MYOZ3: variants seen among roughly 807,000 people sequenced by gnomAD.
MYOZ3 encodes myozenin-3.
Under a neutral mutation model 26.5 loss-of-function variants are expected in MYOZ3, and 19 were observed. That is an observed-to-expected ratio of 0.72 (90% CI 0.50 to 1.05). The LOEUF (loss-of-function observed/expected upper bound fraction) is 1.05, where lower values mean the gene tolerates loss of function less well. Ranked by LOEUF, MYOZ3 falls within the 50% of genes least tolerant of loss-of-function variation. The probability of loss-of-function intolerance (pLI) is 0.00; values close to 1 mark genes in which losing one functional copy is unlikely to be tolerated. For synonymous variants in MYOZ3, 135 were observed against 138.8 expected, an observed-to-expected ratio of 0.97 and a Z score of 0.19; for missense variants, 322 against 337.1, an observed-to-expected ratio of 0.96 and a Z score of 0.35.
intron 6 of MYOZ3, among the ~76,000 whole-genome samples, chr5:150,675,579 G>T (rs555675695): frequency 6.6e-6 from 1 of 152,224 alleles, no homozygotes; most frequent in South Asian, 2.1e-4. Flanking sequence ...CACCATGTGG[G>T]CCAGGCTGGT....
chr5:150,677,977 G>GC lies in MYOZ3; in HGVS notation c.*1103dup, dbSNP rs1278576837. ...AGCATGTGCAAAAATATGGAACTGA[G>GC]CACGGGTGCAGGGTGTTCTGCAGAA... On this transcript the variant is annotated 3_prime_UTR_variant, in exon 7 of 7. Coordinates refer to ENST00000517768, the MANE Select transcript of MYOZ3 (RefSeq NM_001122853.3). The GC allele has an allele frequency of 6.6e-6, 1 of 152,386 alleles. No homozygotes were observed. Among genetic ancestry groups the GC allele is most frequent in the African/African-American group, 2.4e-5 (1 of 41,414 alleles). 9.4% of individuals were successfully genotyped at this position (152,386 alleles called of 1,614,324 possible). A position where few individuals can be genotyped will look rare whatever the true frequency, so the allele number is the denominator to read the frequency against.
At chr5:150,665,227 G>C (rs1758790111) in intron 2 of MYOZ3, among the ~76,000 whole-genome samples, 1 of 152,188 alleles carries the variant, frequency 6.6e-6, no homozygotes. Flanking sequence ...GGAAGGGAAG[G>C]AGGAATGCAG....
chr5:150,670,608 C>A lies in MYOZ3; in HGVS notation c.186C>A (p.Phe62Leu), dbSNP rs745317957. ...AGAGGCAGCGCCGTGTGCAGAAGTT[C>A]ACTTTCGAGTTAGCAGCCAGCCAGC... Reference protein sequence around the residue: ...FQKRQRRVQKFTFELAASQRA... With the variant: ...FQKRQRRVQKLTFELAASQRA... The change falls in exon 3 of 7, where the codon TTC (phenylalanine) becomes TTA (leucine). Residue 62 changes from phenylalanine to leucine, a missense_variant. By Grantham distance (22) the Phe-to-Leu change is conservative. Coordinates refer to ENST00000517768, the MANE Select transcript of MYOZ3 (RefSeq NM_001122853.3). 6.2e-7 allele frequency: 1 copy of A among 1,611,682 alleles called. No individual in the cohort carries two copies. The highest frequency in any genetic ancestry group is 1.1e-5 in the South Asian group (1 of 90,902).
At chr5:150,665,033 A>G (rs544638363) in intron 2 of MYOZ3, among the ~76,000 whole-genome samples, 208 of 136,572 alleles carry the variant, frequency 1.5e-3, no homozygotes, top group Non-Finnish European at 1.0e-3. Context: ...TTTTTTTTTC[A>G]TTTAGCAGCA....
chr5:150,671,868 C>A lies in MYOZ3; in HGVS notation c.384C>A (p.Ala128=), dbSNP rs111772094. Residue 128 remains alanine (A), a synonymous_variant, in exon 5 of 7, where the codon GCC becomes GCA. Transcript: ENST00000517768. The part of the protein sequence containing the change: ...GGPEGAHPAA[A]PAGCVPSPSA... ...CCGAGGGCGCCCACCCTGCAGCCGC[C>A]CCTGCTGGGTGCGTCCCCAGCCCCA... 4.8e-3 allele frequency: 7,701 copies of A among 1,593,088 alleles called. 198 individuals carry two copies. The highest frequency in any genetic ancestry group is 0.048 in the South Asian group (4,275 of 89,234).
intron 5 of MYOZ3, 50 bp from the exon 6 acceptor site, chr5:150,672,290 G>C (rs750799131): frequency 1.3e-6 from 2 of 1,552,740 alleles, no homozygotes; most frequent in Non-Finnish European, 1.7e-6. Context: ...GGTGGGGTTG[G>C]GGGCTGAGGG....
chr5:150,665,594 C>CT (rs1439589820), intron 2 of MYOZ3, among the ~76,000 whole-genome samples: 2 of 152,066 alleles, frequency 1.3e-5, no homozygotes, highest in African/African-American at 2.4e-5. Context: ...TAGATTTTAT[C>CT]TTTTTTTATT....
Position 150,670,638 on chromosome 5 carries a change from GGT to G in MYOZ3, c.216+2_216+3del. On this transcript the variant is annotated splice_donor_variant, in intron 3 of 6. Coordinates refer to ENST00000517768, the MANE Select transcript of MYOZ3 (RefSeq NM_001122853.3). LOFTEE classifies it high-confidence loss of function. ...TCGAGTTAGCAGCCAGCCAGCGGGC[GGT>G]GAGTAAGCCACCATTGTGCTCATGG... is the stretch of plus-strand genomic sequence containing the variant. 6.2e-7 allele frequency: 1 copy of G among 1,606,844 alleles called. No individual in the cohort carries two copies. The highest frequency in any genetic ancestry group is 8.5e-7 in the Non-Finnish European group (1 of 1,174,904).
At chr5:150,668,927 T>C (rs1351067131) in intron 2 of MYOZ3, among the ~76,000 whole-genome samples, 1 of 152,160 alleles carries the variant, frequency 6.6e-6, no homozygotes, top group Non-Finnish European at 1.5e-5. Flanking sequence ...CAGTAAAAGC[T>C]CATGATGCCC....
intron 2 of MYOZ3, among the ~76,000 whole-genome samples, chr5:150,667,644 A>ACAAACAAT (rs1758830090): frequency 6.6e-6 from 1 of 152,060 alleles, no homozygotes; most frequent in Admixed American, 6.6e-5. Context: ...AAACAAACAA[A>ACAAACAAT]CAAACCCCTC....
rs1424004239 is a variant in MYOZ3 at position 150,670,603 on chromosome 5, A to T, written c.181A>T (p.Lys61Ter). ...CCAGAAGAGGCAGCGCCGTGTGCAGAAGTTCACTTTCGAGTTAGCAGCCAG... is the reference window on the plus strand; with the variant it reads ...CCAGAAGAGGCAGCGCCGTGTGCAGTAGTTCACTTTCGAGTTAGCAGCCAG... ...LFQKRQRRVQ[K>*]FTFELAASQR... Residue 61 changes from lysine to a stop codon, truncating the protein, a stop_gained, in exon 3 of 7, where the codon AAG becomes TAG. Coordinates refer to ENST00000517768, the MANE Select transcript of MYOZ3 (RefSeq NM_001122853.3). LOFTEE classifies it high-confidence loss of function. The T allele has an allele frequency of 1.9e-6, 3 of 1,612,354 alleles. No homozygotes were observed. The highest frequency in any genetic ancestry group is 2.5e-6 in the Non-Finnish European group (3 of 1,178,804).
At chr5:150,674,854 A>G (rs1286899068) in intron 6 of MYOZ3, among the ~76,000 whole-genome samples, 1 of 152,164 alleles carries the variant, frequency 6.6e-6, no homozygotes, top group African/African-American at 2.4e-5. Flanking sequence ...TACTAAAAAT[A>G]CAAAAATTAG....
At chr5:150,668,092 T>A (rs1758836169) in intron 2 of MYOZ3, among the ~76,000 whole-genome samples, 1 of 152,196 alleles carries the variant, frequency 6.6e-6, no homozygotes, top group Non-Finnish European at 1.5e-5. Context: ...GCAACCCCTC[T>A]GCCCCTTTTT....
chr5:150,676,543 C>CAAA (rs749959393), intron 6 of MYOZ3, among the ~76,000 whole-genome samples, 164 bp from the exon 7 acceptor site: 1 of 57,950 alleles, frequency 1.7e-5, no homozygotes, highest in African/African-American at 5.4e-5. Flanking sequence ...GACTCTGTCT[C>CAAA]AAAAAAAAAA....
intron 2 of MYOZ3, among the ~76,000 whole-genome samples, chr5:150,665,558 C>A (rs1217541775): frequency 6.6e-6 from 1 of 152,116 alleles, no homozygotes; most frequent in Non-Finnish European, 1.5e-5. Context: ...AGAATAAATT[C>A]CTAGAAATAG....
At chr5:150,673,980 G>A (rs573802004) in intron 6 of MYOZ3, among the ~76,000 whole-genome samples, 1 of 152,248 alleles carries the variant, frequency 6.6e-6, no homozygotes, top group South Asian at 2.1e-4. Context: ...CCAGAGCCTA[G>A]CTAGGCCTGG....
chr5:150,675,308 G>A (rs1053667168), intron 6 of MYOZ3, among the ~76,000 whole-genome samples: 1 of 151,966 alleles, frequency 6.6e-6, no homozygotes, highest in African/African-American at 2.4e-5. Context: ...TTACGCTTTC[G>A]AAATCTACCA....
At chr5:150,672,091 C>T in intron 5 of MYOZ3, 183 bp downstream of exon 5, 1 of 1,121,514 alleles carries the variant, frequency 8.9e-7, no homozygotes, top group Non-Finnish European at 1.3e-6. Context: ...GGTCACACAG[C>T]GAGTCAGCCA....
Position 150,661,327 on chromosome 5 carries a change from A to G in MYOZ3, c.-102A>G, listed in dbSNP as rs1233495259. On this transcript the variant is annotated 5_prime_UTR_variant, in exon 1 of 7. Coordinates refer to ENST00000517768, the MANE Select transcript of MYOZ3 (RefSeq NM_001122853.3). ...GCTGCCTACTGACTGCTGACCGCTGACTGCCTACAGGGACGCCACGCAACT... is the reference window on the plus strand; with the variant it reads ...GCTGCCTACTGACTGCTGACCGCTGGCTGCCTACAGGGACGCCACGCAACT... 1 of 152,500 alleles carries G rather than the reference A, an allele frequency of 6.6e-6. No individual in the cohort carries two copies. The highest frequency in any genetic ancestry group is 1.5e-5 in the Non-Finnish European group (1 of 68,094). The allele number at this position is 152,500 out of a possible 1,614,324, so 9.4% of individuals were successfully genotyped here.
Sources: allele counts gnomAD v4.1 joint callset (sites outside exome capture counted in the v4.1 genomes callset), GRCh38; gene constraint gnomAD v4.1.1; transcripts MANE v1.5; gene names NCBI Gene and HGNC (gene_info 2026-07-23, HGNC 2026-07-21).